The following MYSM1 variants were observed in gnomAD, a reference collection of about 807,000 sequenced individuals.
The protein encoded by MYSM1 is deubiquitinase MYSM1.
Under a neutral mutation model 116.0 loss-of-function variants are expected in MYSM1, and 51 were observed. That is an observed-to-expected ratio of 0.44 (90% confidence interval 0.35 to 0.56). MYSM1 has a LOEUF of 0.56. Among genes scored for constraint, MYSM1 ranks in the 20% least tolerant of loss-of-function variants. The probability of loss-of-function intolerance (pLI) is 0.00; values close to 1 mark genes in which losing one functional copy is unlikely to be tolerated. For synonymous variants in MYSM1, 313 were observed against 315.2 expected, an observed-to-expected ratio of 0.99 and a Z score of 0.07; for missense variants, 900 against 974.9, an observed-to-expected ratio of 0.92 and a Z score of 1.02.
chr1:58,671,337 C>T (rs1281640416), intron 12 of MYSM1, among the ~76,000 whole-genome samples: 1 of 152,076 alleles, frequency 6.6e-6, no homozygotes, highest in Non-Finnish European at 1.5e-5. Context: ...GGACATTTAT[C>T]AGGCAAAAAT....
intron 3 of MYSM1, 102 bp downstream of exon 3, chr1:58,692,759 G>A (rs570271572): frequency 1.6e-5 from 12 of 758,272 alleles, no homozygotes; most frequent in Admixed American, 2.6e-5. Context: ...GTCTGGTGCT[G>A]TATAAAATCC....
chr1:58,690,042 G>T, intron 5 of MYSM1, 184 bp downstream of exon 5: 1 of 510,326 alleles, frequency 2.0e-6, no homozygotes, highest in South Asian at 3.1e-5. Flanking sequence ...AGAAATTCTG[G>T]CAAGTAAATA....
chr1:58,684,953 T>C (rs1438395882), intron 7 of MYSM1, among the ~76,000 whole-genome samples, 200 bp downstream of exon 7: 2 of 152,204 alleles, frequency 1.3e-5, no homozygotes, highest in African/African-American at 4.8e-5. Context: ...TAAAATTAAA[T>C]AGAGTAACAT....
In MYSM1 at chr1:58,667,169, G is replaced by A; in HGVS notation, c.1900C>T (p.Pro634Ser). Residue 634 changes from proline to serine, a missense_variant, in exon 16 of 20, where the codon CCT becomes TCT. By Grantham distance (74) the Pro-to-Ser change is moderately conservative. Transcript: ENST00000472487. ...LSTGLQCEMDPVSQTQASETL... is the reference protein window; with the variant it reads ...LSTGLQCEMDSVSQTQASETL... ...TCTGAGGCCTGTGTTTGTGATACAGGATCCATCTCACACTGTAGTCCTGTA... is the reference window on the plus strand; with the variant it reads ...TCTGAGGCCTGTGTTTGTGATACAGAATCCATCTCACACTGTAGTCCTGTA... The A allele has an allele frequency of 6.2e-7, 1 of 1,612,808 alleles. No homozygotes were observed. The highest frequency in any genetic ancestry group is 8.5e-7 in the Non-Finnish European group (1 of 1,179,236).
At chr1:58,676,552 T>A (rs1031802656) in intron 9 of MYSM1, among the ~76,000 whole-genome samples, 5 of 152,206 alleles carry the variant, frequency 3.3e-5, no homozygotes, top group African/African-American at 1.2e-4. Flanking sequence ...CACAAATTAT[T>A]TCCTTTATTT....
chr1:58,672,829 A>G (rs1557511654), intron 11 of MYSM1, among the ~76,000 whole-genome samples: 1 of 152,116 alleles, frequency 6.6e-6, no homozygotes, highest in East Asian at 1.9e-4. Flanking sequence ...TGAACTTACC[A>G]TAGGTTTTGT....
At position 58,681,781 on chromosome 1, in the gene MYSM1, T is replaced by C; in HGVS notation, c.1259+4A>G. On this transcript the variant is annotated splice_donor_region_variant and intron_variant, in intron 8 of 19. Coordinates refer to ENST00000472487, the MANE Select transcript of MYSM1 (RefSeq NM_001085487.3). ...ACAACATCTATAATGTAATTCTTTC[T>C]TACCATTGATCCAAAATATAATTTC... The C allele has an allele frequency of 3.8e-6, 6 of 1,574,212 alleles. No homozygotes were observed. Among genetic ancestry groups the C allele is most frequent in the Non-Finnish European group, 5.1e-6 (6 of 1,165,296 alleles).
chr1:58,665,915 G>A (rs899337283), intron 16 of MYSM1, among the ~76,000 whole-genome samples: 2 of 152,102 alleles, frequency 1.3e-5, no homozygotes, highest in African/African-American at 4.8e-5. Context: ...AAATTAGCCA[G>A]GTGTAGTGGC....
chr1:58,691,022 G>T (rs1644898131), intron 3 of MYSM1, among the ~76,000 whole-genome samples: 1 of 152,158 alleles, frequency 6.6e-6, no homozygotes, highest in Non-Finnish European at 1.5e-5. Flanking sequence ...GCTCACACCT[G>T]TAATCCCAGC....
In MYSM1 at chr1:58,667,201, CTG is replaced by C. The variant is rs765853517; in HGVS notation, c.1866_1867del (p.Asn622LysfsTer9). 1 of 1,600,348 alleles carries C rather than the reference CTG, an allele frequency of 6.2e-7. No homozygotes were observed. Among genetic ancestry groups the C allele is most frequent in the Admixed American group, 1.7e-5 (1 of 58,900 alleles). ...CTCACACTGTAGTCCTGTACTCAGA[CTG>C]TTACATGGTTCTGCTGCACAGACCT... On this transcript the variant is annotated frameshift_variant, in exon 16 of 20. Coordinates refer to ENST00000472487, the MANE Select transcript of MYSM1 (RefSeq NM_001085487.3). LOFTEE classifies it high-confidence loss of function.
chr1:58,690,273 T>C, intron 4 of MYSM1, 24 bp from the exon 5 acceptor site: 2 of 1,574,360 alleles, frequency 1.3e-6, no homozygotes, highest in African/African-American at 1.4e-5. Context: ...AAAAAGAAAA[T>C]AAGGAAGCGT....
intron 1 of MYSM1, among the ~76,000 whole-genome samples, chr1:58,698,098 A>T (rs1327307656): frequency 7.3e-4 from 22 of 30,232 alleles, no homozygotes; most frequent in Non-Finnish European, 1.2e-3. Flanking sequence ...ATATATATAT[A>T]TATATTTTTT....
intron 7 of MYSM1, among the ~76,000 whole-genome samples, chr1:58,684,565 A>C (rs1291336763): frequency 3.0e-5 from 4 of 134,812 alleles, no homozygotes; most frequent in African/African-American, 1.3e-4. Flanking sequence ...ACTCTGTCTC[A>C]AAAAAAAAAA....
intron 8 of MYSM1, among the ~76,000 whole-genome samples, chr1:58,679,732 G>T (rs929145083): frequency 6.6e-6 from 1 of 152,134 alleles, no homozygotes; most frequent in Non-Finnish European, 1.5e-5. Context: ...GCACGGGGAT[G>T]AAAATTGTGA....
At chr1:58,689,298 T>G (rs1284061927) in intron 5 of MYSM1, 182 bp from the exon 6 acceptor site, 2 of 531,936 alleles carry the variant, frequency 3.8e-6, no homozygotes, top group Non-Finnish European at 6.5e-6. Context: ...ATTTACCCTG[T>G]CACGTGTCTC....
At chr1:58,698,610 T>C (rs1645017452) in intron 1 of MYSM1, among the ~76,000 whole-genome samples, 1 of 152,136 alleles carries the variant, frequency 6.6e-6, no homozygotes, top group Non-Finnish European at 1.5e-5. Flanking sequence ...GCCAATGCCC[T>C]CAGGTGACCA....
intron 3 of MYSM1, 124 bp from the exon 4 acceptor site, chr1:58,690,541 A>T: frequency 1.7e-6 from 1 of 588,092 alleles, no homozygotes; most frequent in Non-Finnish European, 2.8e-6. Context: ...ATTAGAAGTG[A>T]CTACAAGAAA....
At chr1:58,674,544 C>A (rs1644614358) in intron 10 of MYSM1, among the ~76,000 whole-genome samples, 1 of 152,092 alleles carries the variant, frequency 6.6e-6, no homozygotes, top group African/African-American at 2.4e-5. Flanking sequence ...TATTTTAGCA[C>A]CTATACTTTC....
Position 58,667,233 on chromosome 1 carries a change from A to T in MYSM1, c.1843-7T>A. On this transcript the variant is annotated splice_region_variant and splice_polypyrimidine_tract_variant and intron_variant, in intron 15 of 19. Coordinates refer to ENST00000472487, the MANE Select transcript of MYSM1 (RefSeq NM_001085487.3). ...ATGGTTCTGCTGCACAGACCTATAA[A>T]CGATTGATCCTCAAATGATTATACT... 6.6e-7 allele frequency: 1 copy of T among 1,513,380 alleles called. No homozygotes were observed. Among genetic ancestry groups the T allele is most frequent in the Non-Finnish European group, 8.9e-7 (1 of 1,123,810 alleles). 93.7% of individuals were successfully genotyped at this position (1,513,380 alleles called of 1,614,324 possible). A position where few individuals can be genotyped will look rare whatever the true frequency, so the allele number is the denominator to read the frequency against.
Sources: allele counts gnomAD v4.1 joint callset (sites outside exome capture counted in the v4.1 genomes callset), GRCh38; gene constraint gnomAD v4.1.1; transcripts MANE v1.5; gene names NCBI Gene and HGNC (gene_info 2026-07-23, HGNC 2026-07-21).